The following MTMR9 variants were observed in gnomAD, a reference collection of about 807,000 sequenced individuals.
MTMR9 encodes the protein myotubularin-related protein 9.
Under a neutral mutation model 69.5 loss-of-function variants are expected in MTMR9, and 39 were observed. That is an observed-to-expected ratio of 0.56 (90% CI 0.43 to 0.73). The LOEUF (loss-of-function observed/expected upper bound fraction) is 0.73, where lower values mean the gene tolerates loss of function less well. Ranked by LOEUF, MTMR9 falls within the 30% of genes least tolerant of loss-of-function variation. The pLI is 0.00. For synonymous variants in MTMR9, 354 were observed against 240.8 expected, an observed-to-expected ratio of 1.47 and a Z score of -4.35; for missense variants, 900 against 671.2, an observed-to-expected ratio of 1.34 and a Z score of -3.77.
chr8:11,285,596 G>T (rs999756998), intron 1 of MTMR9, among the ~76,000 whole-genome samples: 12 of 151,984 alleles, frequency 7.9e-5, no homozygotes, highest in African/African-American at 2.4e-4. Context: ...TCTCACTAAG[G>T]GAGATTCTGA....
intron 6 of MTMR9, among the ~76,000 whole-genome samples, chr8:11,314,352 A>G (rs570676362): frequency 4.8e-4 from 73 of 152,242 alleles, no homozygotes; most frequent in African/African-American, 1.3e-3. Flanking sequence ...TATCTTTACA[A>G]CTGACTTTCT....
intron 2 of MTMR9, chr8:11,298,624 A>G: frequency 2.7e-6 from 1 of 370,796 alleles, no homozygotes; most frequent in South Asian, 1.1e-4. Flanking sequence ...CATTCTGAGC[A>G]TTGCTGTTGG....
At chr8:11,337,016 GTAA>G in the MTMR9 span, among the ~76,000 whole-genome samples, 1 of 152,144 alleles carries the variant, frequency 6.6e-6, no homozygotes, top group East Asian at 1.9e-4. Context: ...AGAAAAAATG[GTAA>G]TCTGCAGAAG....
At chr8:11,310,754 T>A (rs933953135) in intron 6 of MTMR9, among the ~76,000 whole-genome samples, 6 of 152,006 alleles carry the variant, frequency 3.9e-5, no homozygotes, top group Non-Finnish European at 1.5e-5. Flanking sequence ...ACATTATGAG[T>A]ACAGAGGCTT....
intron 6 of MTMR9, among the ~76,000 whole-genome samples, chr8:11,309,974 A>G (rs574660542): frequency 6.6e-6 from 1 of 152,218 alleles, no homozygotes; most frequent in South Asian, 2.1e-4. Context: ...TAAATCATGA[A>G]TTTGCCAATT....
rs71280766 is a variant in MTMR9, at chr8:11,326,469, T to TTTGTTG, written c.*3702_*3707dup. Reference sequence around the variant, plus strand: ...AGTCATTCAGTACATCTGATAAAGTTTTGTTGTTGTTGTTGTTGTTGTTGT... The same window carrying TTTGTTG: ...AGTCATTCAGTACATCTGATAAAGTTTTGTTGTTGTTGTTGTTGTTGTTGTTGTTGT... On this transcript the variant is annotated 3_prime_UTR_variant, in exon 10 of 10. Coordinates refer to ENST00000221086, the MANE Select transcript of MTMR9 (RefSeq NM_015458.4). The TTTGTTG allele has an allele frequency of 0.42, 63,755 of 150,848 alleles. 14,043 individuals carry two copies. Among genetic ancestry groups the TTTGTTG allele is most frequent in the East Asian group, 0.72 (3,657 of 5,072 alleles). 9.3% of individuals were successfully genotyped at this position (150,848 alleles called of 1,614,324 possible).
chr8:11,306,308 G>C lies in MTMR9; in HGVS notation c.710G>C (p.Arg237Pro), dbSNP rs770330343. ...AGKRGYIIDT[R>P]SLNVAQQTRA... ...AAGCGTGGCTACATCATTGACACCC[G>C]ATCCCTGAACGTGGCTCAGCAAACT... Residue 237 changes from arginine (R) to proline (P), a missense_variant, in exon 5 of 10, where the codon CGA (arginine) becomes CCA (proline). Arg to Pro is a moderately radical substitution (Grantham distance 103). Coordinates refer to ENST00000221086, the MANE Select transcript of MTMR9 (RefSeq NM_015458.4). 1 of 1,614,028 alleles carries C rather than the reference G, an allele frequency of 6.2e-7. No individual in the cohort carries two copies.
intron 2 of MTMR9, chr8:11,298,032 G>C (rs1799619693): frequency 2.3e-6 from 1 of 426,484 alleles, no homozygotes; most frequent in African/African-American, 2.0e-5. Flanking sequence ...AATATATTCT[G>C]CTGCCTCACG....
At chr8:11,322,516 A>T in intron 9 of MTMR9, 109 bp from the exon 10 acceptor site, 1 of 901,986 alleles carries the variant, frequency 1.1e-6, no homozygotes, top group Non-Finnish European at 1.7e-6. Context: ...TTGTGGCAAC[A>T]AAAGAAAAAA....
intron 5 of MTMR9, among the ~76,000 whole-genome samples, chr8:11,308,060 C>T (rs933151563): frequency 2.6e-5 from 4 of 152,142 alleles, no homozygotes; most frequent in African/African-American, 9.7e-5. Context: ...TCTCATTTGT[C>T]TATTTTTGCT....
intron 1 of MTMR9, among the ~76,000 whole-genome samples, chr8:11,286,523 G>A (rs568385151): frequency 9.2e-5 from 14 of 151,726 alleles, no homozygotes; most frequent in Admixed American, 3.9e-4. Flanking sequence ...AAAATTAACC[G>A]GGCATAGTGG....
chr8:11,299,016 A>C lies in MTMR9; in HGVS notation c.292-1007A>C, dbSNP rs58977253. 5.2e-4 allele frequency: 244 copies of C among 465,002 alleles called. 1 individual carries two copies. Among genetic ancestry groups the C allele is most frequent in the African/African-American group, 5.0e-3 (233 of 47,064 alleles). The allele number at this position is 465,002 out of a possible 1,614,324, so 28.8% of individuals were successfully genotyped here. On this transcript the variant is annotated intron_variant, in intron 2 of 9. Coordinates refer to ENST00000221086, the MANE Select transcript of MTMR9 (RefSeq NM_015458.4). ...GGAAATGAACATTGATGGAATTTCT[A>C]CCTATGTAGAGCATGTCATAGCTGA...
Position 11,319,702 on chromosome 8 carries a change from A to C in MTMR9, c.1350A>C (p.Leu450=). The change falls in exon 9 of 10, where the codon CTA becomes CTC. Residue 450 remains leucine (L), a synonymous_variant. Coordinates refer to ENST00000221086, the MANE Select transcript of MTMR9 (RefSeq NM_015458.4). ...NNESERCKLK[L]QQKTMSLWSW... The stretch of plus-strand genomic sequence containing the variant: ...TCTTGATCAGATGTAAGTTGAAGCT[A>C]CAGCAGAAGACGATGTCTTTGTGGT... 1 of 1,613,866 alleles carries C rather than the reference A, an allele frequency of 6.2e-7. No individual in the cohort carries two copies. Among genetic ancestry groups the C allele is most frequent in the Non-Finnish European group, 8.5e-7 (1 of 1,179,998 alleles).
At chr8:11,320,203 G>C (rs1800615857) in intron 9 of MTMR9, 1 of 188,394 alleles carries the variant, frequency 5.3e-6, no homozygotes, top group African/African-American at 2.4e-5. Flanking sequence ...GCAGTCATTA[G>C]GATAGGTTCT....
intron 1 of MTMR9, among the ~76,000 whole-genome samples, chr8:11,287,814 T>C (rs1195133664): frequency 8.1e-6 from 1 of 122,834 alleles, no homozygotes; most frequent in Non-Finnish European, 1.6e-5. Flanking sequence ...ATATAATACA[T>C]ATAATATATA....
intron 2 of MTMR9, chr8:11,298,639 T>A (rs1799636706): frequency 1.8e-6 from 1 of 542,346 alleles, no homozygotes; most frequent in Admixed American, 6.4e-5. Context: ...TGTTGGGCCT[T>A]CTCCTCCTGT....
At chr8:11,296,405 G>T (rs955860599) in intron 2 of MTMR9, among the ~76,000 whole-genome samples, 1 of 152,124 alleles carries the variant, frequency 6.6e-6, no homozygotes, top group Non-Finnish European at 1.5e-5. Flanking sequence ...AAAAATTGTG[G>T]TTAGAAAACA....
chr8:11,303,014 A>C (rs930477290), intron 3 of MTMR9, among the ~76,000 whole-genome samples: 4 of 151,918 alleles, frequency 2.6e-5, no homozygotes, highest in African/African-American at 9.7e-5. Flanking sequence ...GAGAGACTGA[A>C]TATTCTAAAG....
intron 2 of MTMR9, among the ~76,000 whole-genome samples, chr8:11,298,436 T>C (rs997376413): frequency 3.3e-5 from 5 of 152,134 alleles, no homozygotes; most frequent in Non-Finnish European, 5.9e-5. Flanking sequence ...TGCTTCTCTA[T>C]ATTTTGTTTT....
Sources: gnomAD v4.1 joint callset for allele counts (sites outside exome capture counted in the v4.1 genomes callset) on GRCh38, gnomAD v4.1.1 for gene constraint, MANE v1.5 for transcripts, NCBI Gene and HGNC (gene_info 2026-07-23, HGNC 2026-07-21) for gene names.